Variants in SORCS1 observed in about 807,000 individuals in gnomAD.
SORCS1 encodes VPS10 domain-containing receptor SorCS1.
Under a neutral mutation model 146.1 loss-of-function variants are expected in SORCS1, and 60 were observed. The ratio of observed to expected loss-of-function variants is 0.41; its 90% confidence interval spans 0.33 to 0.51. The LOEUF is 0.51. Ranked by LOEUF, SORCS1 falls within the 20% of genes least tolerant of loss-of-function variation. SORCS1 has a pLI of 0.21. For missense variants in SORCS1, 1,352 were observed against 1,487.6 expected (o/e 0.91, Z 1.50); for synonymous variants, 637 against 584.0 (o/e 1.09, Z -1.31).
At chr10:107,130,146 T>C (rs993454767) in intron 1 of SORCS1, among the ~76,000 whole-genome samples, 4 of 152,250 alleles carry the variant, frequency 2.6e-5, no homozygotes, top group African/African-American at 9.6e-5. Context: ...AAGACTTCAT[T>C]GTGAGTTAAG....
At chr10:106,955,231 C>G (rs1412384272) in intron 2 of SORCS1, among the ~76,000 whole-genome samples, 1 of 152,250 alleles carries the variant, frequency 6.6e-6, no homozygotes, top group Admixed American at 6.5e-5. Context: ...TTTGCAGTTC[C>G]ATGATTGCTG....
At chr10:107,015,986 C>A (rs199510136) in intron 1 of SORCS1, among the ~76,000 whole-genome samples, 8 of 62,056 alleles carry the variant, frequency 1.3e-4, no homozygotes, top group Non-Finnish European at 9.8e-5. Flanking sequence ...TGAAATAAAA[C>A]AAATGTTTAA....
In SORCS1 at chr10:106,960,642, C is replaced by T. The variant is rs1955180141; in HGVS notation, c.559-4062G>A. Among the ~76,000 whole-genome samples, 1 of 152,122 alleles carries T rather than the reference C, an allele frequency of 6.6e-6. No homozygotes were observed. The highest frequency in any genetic ancestry group is 1.5e-5 in the Non-Finnish European group (1 of 68,012). On this transcript the variant is annotated intron_variant, in intron 1 of 25. Transcript: ENST00000263054. This position sits in a 1 kb window ranked among gnomAD's most constrained non-coding sequence, Gnocchi z 4.4. ...GGTCTCGATCTCTTGACCTCGTGATCCACCTGACTCAGCCTCCCAAAGTGC... is the reference window on the plus strand; with the variant it reads ...GGTCTCGATCTCTTGACCTCGTGATTCACCTGACTCAGCCTCCCAAAGTGC...
chr10:106,762,637 T>C (rs1303097900), intron 4 of SORCS1, among the ~76,000 whole-genome samples: 1 of 151,950 alleles, frequency 6.6e-6, no homozygotes, highest in Non-Finnish European at 1.5e-5. Context: ...GACCTCATGA[T>C]CCGCCCACCT....
chr10:106,984,629 G>A (rs1288087599), intron 1 of SORCS1, among the ~76,000 whole-genome samples: 1 of 151,628 alleles, frequency 6.6e-6, no homozygotes, highest in Non-Finnish European at 1.5e-5. Context: ...TCCTGACCTC[G>A]TGATCCGCCC....
chr10:106,925,419 A>T (rs1952964566), intron 2 of SORCS1, among the ~76,000 whole-genome samples: 1 of 152,204 alleles, frequency 6.6e-6, no homozygotes, highest in Non-Finnish European at 1.5e-5. Flanking sequence ...AACTTACTCA[A>T]ATTACACTGA....
At position 106,620,501 on chromosome 10, in the gene SORCS1, T is replaced by C. The variant is rs141732647; in HGVS notation, c.2723A>G (p.Asn908Ser). The C allele has an allele frequency of 6.3e-5, 101 of 1,614,122 alleles. 1 individual carries two copies. Among genetic ancestry groups the C allele is most frequent in the Non-Finnish European group, 8.1e-5 (95 of 1,179,966 alleles). ...GCTGGGCCACAGCACTGCCGTCGCA[T>C]TGACCTCTTTGTTCTTTGTGGTGAC... ...PFVTTKNKEV[N>S]ATAVLWPSQV... is the part of the protein sequence containing the mutation. The change falls in exon 20 of 26, where the codon AAT (asparagine) becomes AGT (serine). Residue 908 changes from asparagine (N) to serine (S), a missense_variant. Asn to Ser is a conservative substitution (Grantham distance 46, BLOSUM62 1). Transcript: ENST00000263054.
intron 4 of SORCS1, among the ~76,000 whole-genome samples, chr10:106,766,116 G>C (rs1859549779): frequency 2.0e-5 from 3 of 152,264 alleles, no homozygotes; most frequent in Admixed American, 2.0e-4. Context: ...GGCTCCTTAG[G>C]AGGCGCCTGT....
At chr10:106,627,861 C>A (rs184983091) in intron 19 of SORCS1, among the ~76,000 whole-genome samples, 149 of 152,320 alleles carry the variant, frequency 9.8e-4, no homozygotes, top group Middle Eastern at 6.8e-3. Flanking sequence ...AGGATCCTTG[C>A]GGCAGGTGGA....
chr10:106,807,850 T>C (rs904290007), intron 3 of SORCS1, among the ~76,000 whole-genome samples: 2 of 152,232 alleles, frequency 1.3e-5, no homozygotes, highest in Non-Finnish European at 2.9e-5. Flanking sequence ...TTGTCTGCAA[T>C]GATTGCTGTA....
intron 1 of SORCS1, among the ~76,000 whole-genome samples, chr10:107,008,013 T>C (rs1957529093): frequency 6.7e-6 from 1 of 149,742 alleles, no homozygotes; most frequent in East Asian, 1.9e-4. Context: ...GATTTATTTA[T>C]TTGTCTATTG....
intron 1 of SORCS1, among the ~76,000 whole-genome samples, chr10:107,090,369 T>A (rs575767484): frequency 6.6e-6 from 1 of 152,200 alleles, no homozygotes; most frequent in Non-Finnish European, 1.5e-5. Flanking sequence ...GTTTCCCTTA[T>A]GTGACTAATC....
intron 12 of SORCS1, among the ~76,000 whole-genome samples, chr10:106,677,662 C>A (rs2135538572): frequency 6.6e-6 from 1 of 152,254 alleles, no homozygotes; most frequent in East Asian, 1.9e-4. Context: ...TAGATTCCTT[C>A]ATTTTCATGA....
At chr10:106,679,820 C>G in intron 10 of SORCS1, 86 bp from the exon 11 acceptor site, 1 of 1,035,962 alleles carries the variant, frequency 9.7e-7, no homozygotes, top group Non-Finnish European at 1.4e-6. Flanking sequence ...ATCCATCTAA[C>G]CAACCATCCC....
At chr10:106,914,850 C>G (rs1224254269) in intron 2 of SORCS1, among the ~76,000 whole-genome samples, 6 of 152,134 alleles carry the variant, frequency 3.9e-5, no homozygotes. Flanking sequence ...TCTAGCCATT[C>G]ATTCACTTTC....
intron 11 of SORCS1, 71 bp downstream of exon 11, chr10:106,679,561 C>G: frequency 7.6e-7 from 1 of 1,320,682 alleles, no homozygotes; most frequent in South Asian, 1.3e-5. Flanking sequence ...AATAAACTTC[C>G]AAGTACAGAT....
intron 2 of SORCS1, among the ~76,000 whole-genome samples, chr10:106,912,962 G>A (rs1952236154): frequency 6.6e-6 from 1 of 152,112 alleles, no homozygotes; most frequent in Non-Finnish European, 1.5e-5. Flanking sequence ...TTACAGGCAT[G>A]AGCCACTGCG....
In SORCS1 at chr10:106,776,572, G is replaced by T. The variant is rs1223976567; in HGVS notation, c.847C>A (p.Gln283Lys). ...CTGTATGCCAGAATCCAGTCTTCTTGTTTGGGGTGAAAAAGCAAGCTTTGA... is the reference window on the plus strand; with the variant it reads ...CTGTATGCCAGAATCCAGTCTTCTTTTTTGGGGTGAAAAAGCAAGCTTTGA... The part of the protein sequence containing the change: ...YIQSLLFHPK[Q>K]EDWILAYSQD... The change falls in exon 4 of 26, where the codon CAA (glutamine) becomes AAA (lysine). Residue 283 changes from glutamine to lysine, a missense_variant. Transcript: ENST00000263054. 1 of 1,614,034 alleles carries T rather than the reference G, an allele frequency of 6.2e-7. No homozygotes were observed.
intron 2 of SORCS1, among the ~76,000 whole-genome samples, chr10:106,887,542 A>C (rs1279199963): frequency 1.3e-5 from 2 of 152,092 alleles, no homozygotes; most frequent in African/African-American, 4.8e-5. Context: ...ACGCCACTCT[A>C]CTCCAGCCTA....
Sources: allele counts gnomAD v4.1 joint callset (sites outside exome capture counted in the v4.1 genomes callset), GRCh38; gene constraint gnomAD v4.1.1; non-coding constraint Gnocchi (gnomAD v3.1); transcripts MANE v1.5; gene names NCBI Gene and HGNC (gene_info 2026-07-23, HGNC 2026-07-21).